The following ITGA8 variants were observed in gnomAD, a reference collection of about 807,000 sequenced individuals.
ITGA8 encodes the protein integrin subunit alpha 8, also known as integrin alpha-8.
A neutral mutation model predicts 142.3 loss-of-function variants in ITGA8; 91 were observed. The observed-to-expected ratio is 0.64, with a 90% CI of 0.54 to 0.76. The LOEUF (loss-of-function observed/expected upper bound fraction) is 0.76. ITGA8 is among the 30% of genes least tolerant of loss of function. The pLI is 0.00. For missense variants in ITGA8, 1,406 were observed against 1,327.7 expected (o/e 1.06, Z -0.92); for synonymous variants, 505 against 485.2 (o/e 1.04, Z -0.54).
chr10:15,688,832 A>G (rs909209763), intron 2 of ITGA8, among the ~76,000 whole-genome samples: 10 of 152,242 alleles, frequency 6.6e-5, no homozygotes, highest in Admixed American at 4.6e-4. Flanking sequence ...AAAGTTAGTT[A>G]TAGAGGGAAT....
intron 24 of ITGA8, among the ~76,000 whole-genome samples, 172 bp from the exon 25 acceptor site, chr10:15,572,541 GAAAGC>G (rs1294631869): frequency 6.6e-6 from 1 of 152,216 alleles, no homozygotes; most frequent in Non-Finnish European, 1.5e-5. Flanking sequence ...GAAGCACTCT[GAAAGC>G]ATCATGGGCT....
In ITGA8 at chr10:15,548,860, A is replaced by C. The variant is rs1833731206; in HGVS notation, c.2767-292T>G. On this transcript the variant is annotated intron_variant, in intron 26 of 29. Coordinates refer to ENST00000378076, the MANE Select transcript of ITGA8 (RefSeq NM_003638.3). ...TCATTTTCTCAGAACTGGGGAAGGC[A>C]TTGCTTATAGATATTCACAATACCC... Among the ~76,000 whole-genome samples the C allele has an allele frequency of 2.6e-5, 4 of 152,322 alleles. No individual in the cohort carries two copies. The South Asian group carries it at 8.3e-4, about 32-fold the overall frequency.
chr10:15,626,561 C>T (rs1049100452), intron 13 of ITGA8, among the ~76,000 whole-genome samples: 3 of 152,148 alleles, frequency 2.0e-5, no homozygotes, highest in Non-Finnish European at 2.9e-5. Flanking sequence ...GCTCCTAAAC[C>T]CAGTTCTTGT....
intron 13 of ITGA8, among the ~76,000 whole-genome samples, chr10:15,629,643 G>A (rs1833649581): frequency 6.6e-6 from 1 of 151,986 alleles, no homozygotes; most frequent in South Asian, 2.1e-4. Flanking sequence ...ATTGTCTTCA[G>A]AGGCTGGGCA....
At position 15,607,550 on chromosome 10, in the gene ITGA8, C is replaced by T. The variant is rs191532005; in HGVS notation, c.1764+127G>A. On this transcript the variant is annotated intron_variant, in intron 17 of 29. Coordinates refer to ENST00000378076, the MANE Select transcript of ITGA8 (RefSeq NM_003638.3). ...AGTATTTGACCCTAAAATAAAGTTTCCTGCTATGAAAATGAAAACAGACAG... is the reference window on the plus strand; with the variant it reads ...AGTATTTGACCCTAAAATAAAGTTTTCTGCTATGAAAATGAAAACAGACAG... The T allele has an allele frequency of 8.6e-5, 74 of 865,284 alleles. No homozygotes were observed. The Admixed American group carries it at 1.1e-3, about 12-fold the overall frequency. The allele number at this position is 865,284 out of a possible 1,614,324, so 53.6% of individuals were successfully genotyped here.
intron 2 of ITGA8, among the ~76,000 whole-genome samples, chr10:15,695,681 A>C (rs1211981438): frequency 6.6e-6 from 1 of 152,218 alleles, no homozygotes; most frequent in Admixed American, 6.5e-5. Flanking sequence ...AAGGACTGAA[A>C]GTATGGAAAA....
At chr10:15,656,824 G>A (rs1379207322) in intron 10 of ITGA8, among the ~76,000 whole-genome samples, 3 of 152,130 alleles carry the variant, frequency 2.0e-5, no homozygotes, top group Non-Finnish European at 2.9e-5. Context: ...AGCTTCCATC[G>A]TGTCCTCATT....
At chr10:15,564,555 C>T (rs1372710458) in intron 25 of ITGA8, among the ~76,000 whole-genome samples, 1 of 152,232 alleles carries the variant, frequency 6.6e-6, no homozygotes, top group African/African-American at 2.4e-5. Context: ...TTTCTTTTTA[C>T]AGCTGCTACT....
chr10:15,558,018 G>C (rs528700348), intron 26 of ITGA8, 56 bp downstream of exon 26: 1 of 1,598,376 alleles, frequency 6.3e-7, no homozygotes, highest in South Asian at 1.1e-5. Flanking sequence ...CTGTATTTGA[G>C]GGTTCTATCC....
chr10:15,590,015 G>A lies in ITGA8; in HGVS notation c.2291+2210C>T, dbSNP rs143080514. Among the ~76,000 whole-genome samples, 1,406 of 152,136 alleles carry A rather than the reference G, an allele frequency of 9.2e-3. 8 individuals are homozygous for A. Among genetic ancestry groups the A allele is most frequent in the Middle Eastern group, 0.02 (6 of 294 alleles). On this transcript the variant is annotated intron_variant, in intron 22 of 29. Coordinates refer to ENST00000378076, the MANE Select transcript of ITGA8 (RefSeq NM_003638.3). ...TGACCTCAAGTGATCCACCCACCTC[G>A]GACTCCCAAAATGCTGGGATTACAG...
chr10:15,602,614 C>T (rs961500929), intron 20 of ITGA8, among the ~76,000 whole-genome samples: 1 of 151,904 alleles, frequency 6.6e-6, no homozygotes, highest in Non-Finnish European at 1.5e-5. Context: ...GGTGCACACC[C>T]GTAGTCCTAG....
At chr10:15,648,369 ATAT>A (rs1194818189) in intron 11 of ITGA8, among the ~76,000 whole-genome samples, 14 of 151,552 alleles carry the variant, frequency 9.2e-5, no homozygotes, top group African/African-American at 2.7e-4. Context: ...ACCGATTAAA[ATAT>A]TATTAATATA....
At chr10:15,558,652 C>T (rs1222702683) in intron 25 of ITGA8, among the ~76,000 whole-genome samples, 1 of 152,128 alleles carries the variant, frequency 6.6e-6, no homozygotes, top group East Asian at 1.9e-4. Context: ...GGGGAAACAG[C>T]CTGATGTGGT....
intron 5 of ITGA8, 140 bp from the exon 6 acceptor site, chr10:15,677,777 G>A (rs991875447): frequency 5.0e-5 from 31 of 623,482 alleles, no homozygotes; most frequent in Non-Finnish European, 6.2e-5. Context: ...GAGATCCTTC[G>A]GAGGCCTGCA....
intron 10 of ITGA8, 115 bp downstream of exon 10, chr10:15,658,884 G>T: frequency 1.4e-6 from 1 of 729,314 alleles, no homozygotes; most frequent in Non-Finnish European, 2.3e-6. Flanking sequence ...ACAGTTTCCA[G>T]TACGTAGTAG....
chr10:15,606,708 A>G (rs948196283), intron 17 of ITGA8, among the ~76,000 whole-genome samples: 1 of 152,140 alleles, frequency 6.6e-6, no homozygotes, highest in Non-Finnish European at 1.5e-5. Flanking sequence ...AGAACTGGTC[A>G]AGTTGCAAAG....
chr10:15,671,509 G>A lies in ITGA8; in HGVS notation c.847+94C>T, dbSNP rs193053512. The stretch of plus-strand genomic sequence containing the variant: ...ACTCCATTAATATCCCTTTGGTATA[G>A]CAAATAAAATCACATTGATAGAAAA... On this transcript the variant is annotated intron_variant, in intron 8 of 29. Transcript: ENST00000378076. 991 of 1,018,044 alleles carry A rather than the reference G, an allele frequency of 9.7e-4. 4 individuals are homozygous for A. The highest frequency in any genetic ancestry group is 3.1e-3 in the Middle Eastern group (15 of 4,870). 63.1% of individuals were successfully genotyped at this position (1,018,044 alleles called of 1,614,324 possible).
At chr10:15,550,271 A>T (rs1833770848) in intron 26 of ITGA8, among the ~76,000 whole-genome samples, 1 of 152,132 alleles carries the variant, frequency 6.6e-6, no homozygotes, top group Non-Finnish European at 1.5e-5. Flanking sequence ...CTTTTTCTTT[A>T]TAAATAACCC....
At chr10:15,660,708 C>T (rs1834268736) in intron 9 of ITGA8, among the ~76,000 whole-genome samples, 171 bp downstream of exon 9, 1 of 152,126 alleles carries the variant, frequency 6.6e-6, no homozygotes, top group African/African-American at 2.4e-5. Context: ...GTGTTCTGAG[C>T]ATGTTTAAGG....
Sources: allele counts gnomAD v4.1 joint callset (sites outside exome capture counted in the v4.1 genomes callset), GRCh38; gene constraint gnomAD v4.1.1; transcripts MANE v1.5; gene names NCBI Gene and HGNC (gene_info 2026-07-23, HGNC 2026-07-21).